The following ESRRG variants were observed in gnomAD, a reference collection of about 807,000 sequenced individuals.
ESRRG encodes the protein estrogen-related receptor gamma.
A neutral mutation model predicts 44.0 loss-of-function variants in ESRRG; 13 were observed. The observed-to-expected ratio is 0.30, with a 90% CI of 0.19 to 0.47. The LOEUF (loss-of-function observed/expected upper bound fraction) is 0.47, where lower values mean the gene tolerates loss of function less well. Ranked by LOEUF, ESRRG falls within the 20% of genes least tolerant of loss-of-function variation. The pLI, the probability that ESRRG is intolerant of heterozygous loss-of-function variation, is 1.00. For synonymous variants in ESRRG, 215 were observed against 214.6 expected (o/e 1.00, Z -0.02); for missense variants, 395 against 580.6 (o/e 0.68, Z 3.29).
intron 1 of ESRRG, among the ~76,000 whole-genome samples, chr1:217,013,307 A>T (rs2078898183): frequency 6.6e-6 from 1 of 152,238 alleles, no homozygotes; most frequent in African/African-American, 2.4e-5. Flanking sequence ...AGCAAAGCAG[A>T]TATTACCTTA....
At chr1:216,709,533 T>C (rs1184177473) in intron 1 of ESRRG, among the ~76,000 whole-genome samples, 1 of 151,980 alleles carries the variant, frequency 6.6e-6, no homozygotes, top group Non-Finnish European at 1.5e-5. Flanking sequence ...AAGAGAAACA[T>C]ACTTTTAAAT....
At chr1:216,739,093 C>T (rs2090345791) in intron 2 of ESRRG, among the ~76,000 whole-genome samples, 2 of 152,044 alleles carry the variant, frequency 1.3e-5, no homozygotes, top group South Asian at 4.2e-4. Context: ...ACCTCAGCAT[C>T]CCTCTATCAT....
chr1:216,720,310 GA>G (rs1255545488), intron 1 of ESRRG, among the ~76,000 whole-genome samples: 1 of 151,954 alleles, frequency 6.6e-6, no homozygotes, highest in Non-Finnish European at 1.5e-5. Context: ...AGTTTACAGA[GA>G]AATCATCTGA....
chr1:216,516,668 C>CACAGAG (rs376701865), intron 6 of ESRRG, among the ~76,000 whole-genome samples: 28 of 137,246 alleles, frequency 2.0e-4, no homozygotes, highest in African/African-American at 5.3e-4. Flanking sequence ...CACACACACA[C>CACAGAG]AGAGAGAGAG....
intron 6 of ESRRG, among the ~76,000 whole-genome samples, chr1:216,517,524 T>C (rs1032242345): frequency 6.6e-6 from 1 of 152,166 alleles, no homozygotes; most frequent in Non-Finnish European, 1.5e-5. Context: ...ATTTGAAACA[T>C]AAAAGATTTA....
chr1:217,010,207 A>G (rs1020391369), intron 1 of ESRRG, among the ~76,000 whole-genome samples: 4 of 152,116 alleles, frequency 2.6e-5, no homozygotes, highest in African/African-American at 7.2e-5. Flanking sequence ...ACAATTTCTG[A>G]TGAATAAACA....
At chr1:216,760,120 T>G (rs556002666) in intron 2 of ESRRG, among the ~76,000 whole-genome samples, 123 of 152,210 alleles carry the variant, frequency 8.1e-4, no homozygotes, top group African/African-American at 2.8e-3. Context: ...GGGACTGGTC[T>G]GTCTTGTTCA....
At chr1:217,098,584 A>G (rs1362529766) in intron 1 of ESRRG, among the ~76,000 whole-genome samples, 2 of 152,160 alleles carry the variant, frequency 1.3e-5, no homozygotes, top group African/African-American at 4.8e-5. Context: ...GAAGGTTGCT[A>G]CAGAGAAACG....
chr1:216,918,013 A>T (rs570651054), intron 2 of ESRRG, among the ~76,000 whole-genome samples: 1 of 152,300 alleles, frequency 6.6e-6, no homozygotes, highest in Non-Finnish European at 1.5e-5. Flanking sequence ...ATTTTTACCC[A>T]GTTCATCAAA....
chr1:216,658,875 G>GAAGAGAAGAT (rs2071417885), intron 2 of ESRRG, among the ~76,000 whole-genome samples: 1 of 93,194 alleles, frequency 1.1e-5, no homozygotes, highest in African/African-American at 3.0e-5. Context: ...GAAGAGAAGA[G>GAAGAGAAGAT]AAGAGAAGAG....
At chr1:216,685,224 A>G (rs1246819692) in intron 1 of ESRRG, among the ~76,000 whole-genome samples, 3 of 151,504 alleles carry the variant, frequency 2.0e-5, no homozygotes, top group Admixed American at 6.6e-5. Flanking sequence ...CACCACTAAA[A>G]CAAAAGGTTT....
chr1:216,621,673 C>A (rs1283696618), intron 3 of ESRRG, among the ~76,000 whole-genome samples: 1 of 152,144 alleles, frequency 6.6e-6, no homozygotes, highest in Admixed American at 6.5e-5. Flanking sequence ...TTTTACTCTC[C>A]AAAGTCATCT....
In ESRRG at chr1:216,926,216, A is replaced by G. The variant is rs183971473; in HGVS notation, c.-14+13366T>C. Among the ~76,000 whole-genome samples, 391 of 152,274 alleles carry G rather than the reference A, an allele frequency of 2.6e-3. 2 individuals carry two copies. Among genetic ancestry groups the G allele is most frequent in the African/African-American group, 8.9e-3 (369 of 41,558 alleles). ...AGCTGCTGCTTCCGCAGATCTGCAC[A>G]CACCTGGGAAACACCAGATCAGATG... On this transcript the variant is annotated intron_variant, in intron 2 of 7. Transcript: ENST00000359162.
chr1:216,541,542 C>G (rs984524371), intron 5 of ESRRG, among the ~76,000 whole-genome samples: 3 of 144,922 alleles, frequency 2.1e-5, no homozygotes, highest in Non-Finnish European at 4.5e-5. Flanking sequence ...GCTCGCTCAG[C>G]TATTTGAGTC....
At chr1:217,001,283 C>A (rs1282626613) in intron 1 of ESRRG, among the ~76,000 whole-genome samples, 1 of 152,178 alleles carries the variant, frequency 6.6e-6, no homozygotes, top group Admixed American at 6.5e-5. Flanking sequence ...GACAGGAACT[C>A]TCCCACAGAA....
At chr1:217,075,191 G>C (rs200274378) in intron 1 of ESRRG, among the ~76,000 whole-genome samples, 1 of 152,170 alleles carries the variant, frequency 6.6e-6, no homozygotes, top group East Asian at 1.9e-4. Context: ...CATGTTGTTC[G>C]AGGGTCAAGA....
intron 2 of ESRRG, among the ~76,000 whole-genome samples, chr1:216,825,747 A>G (rs1489266074): frequency 6.6e-6 from 1 of 152,202 alleles, no homozygotes; most frequent in Non-Finnish European, 1.5e-5. Context: ...TAGTCTGAGA[A>G]GAGCTGGAGG....
At chr1:216,606,544 C>T (rs1413633638) in intron 3 of ESRRG, among the ~76,000 whole-genome samples, 1 of 151,952 alleles carries the variant, frequency 6.6e-6, no homozygotes, top group East Asian at 1.9e-4. Context: ...TATTATTGGC[C>T]ACTCTTTCTC....
At chr1:217,014,874 A>T (rs2079115974) in intron 1 of ESRRG, among the ~76,000 whole-genome samples, 1 of 152,138 alleles carries the variant, frequency 6.6e-6, no homozygotes, top group African/African-American at 2.4e-5. Flanking sequence ...AAGATGCAGG[A>T]GTTCTACATC....
Sources: gnomAD v4.1 joint callset for allele counts (sites outside exome capture counted in the v4.1 genomes callset) on GRCh38, gnomAD v4.1.1 for gene constraint, MANE v1.5 for transcripts, NCBI Gene and HGNC (gene_info 2026-07-23, HGNC 2026-07-21) for gene names.